Variants in TENM2 observed in about 807,000 individuals in gnomAD.
TENM2 encodes teneurin-2.
In TENM2, 52 loss-of-function variants were observed where a neutral mutation model predicts 245.2. The ratio of observed to expected loss-of-function variants is 0.21; its 90% CI spans 0.17 to 0.27. The LOEUF (loss-of-function observed/expected upper bound fraction) is 0.27, where lower values mean the gene tolerates loss of function less well. TENM2 is among the 10% of genes least tolerant of loss of function. The probability of loss-of-function intolerance (pLI) is 1.00; values close to 1 mark genes in which losing one functional copy is unlikely to be tolerated. For synonymous variants in TENM2, 1,363 were observed against 1,438.9 expected, an observed-to-expected ratio of 0.95 and a Z score of 1.19; for missense variants, 3,046 against 3,666.8, an observed-to-expected ratio of 0.83 and a Z score of 4.37.
chr5:168,185,003 A>G (rs1314885889), intron 13 of TENM2: 1 of 152,212 alleles, frequency 6.6e-6, no homozygotes, highest in East Asian at 1.9e-4. Context: ...TGCCAGGAAT[A>G]AATTCCCAGG....
chr5:168,055,549 T>C (rs1420884498), intron 6 of TENM2, among the ~76,000 whole-genome samples: 2 of 152,158 alleles, frequency 1.3e-5, no homozygotes, highest in Non-Finnish European at 2.9e-5. Context: ...TCACTCACTG[T>C]ATATTGATTT....
chr5:167,701,153 G>A (rs1344437956), intron 2 of TENM2, among the ~76,000 whole-genome samples: 1 of 152,132 alleles, frequency 6.6e-6, no homozygotes, highest in Non-Finnish European at 1.5e-5. Context: ...CACAAGAAAT[G>A]TGTGAGGTCT....
chr5:167,415,780 A>G (rs1254445262), intron 2 of TENM2, among the ~76,000 whole-genome samples: 2 of 152,254 alleles, frequency 1.3e-5, no homozygotes, highest in South Asian at 4.1e-4. Context: ...TCTGGAGGTT[A>G]TGTTGAATGG....
intron 5 of TENM2, among the ~76,000 whole-genome samples, chr5:168,002,160 G>A (rs974845589): frequency 3.3e-5 from 5 of 152,162 alleles, no homozygotes; most frequent in Non-Finnish European, 5.9e-5. Flanking sequence ...GAGAAGCTTT[G>A]CCTCCAACCT....
At chr5:167,883,146 A>T (rs1279751522) in intron 3 of TENM2, among the ~76,000 whole-genome samples, 2 of 152,170 alleles carry the variant, frequency 1.3e-5, no homozygotes. Context: ...GAAAATGTTG[A>T]TGGCAATCCC....
chr5:167,051,899 T>C, the TENM2 span, among the ~76,000 whole-genome samples: 1 of 152,332 alleles, frequency 6.6e-6, no homozygotes, highest in East Asian at 1.9e-4. Context: ...CATATTTGTT[T>C]TTATTTTTCC....
the TENM2 span, among the ~76,000 whole-genome samples, chr5:167,205,748 C>G: frequency 2.0e-5 from 3 of 152,146 alleles, no homozygotes; most frequent in Non-Finnish European, 2.9e-5. Context: ...TCTTTTGAGT[C>G]TCCCAAGACT....
chr5:168,014,028 G>A (rs1482538566), intron 5 of TENM2, among the ~76,000 whole-genome samples: 1 of 152,128 alleles, frequency 6.6e-6, no homozygotes, highest in East Asian at 1.9e-4. Context: ...TTGGATTAGA[G>A]CTCACCCTAT....
chr5:167,767,367 G>T (rs1463626707), intron 2 of TENM2, among the ~76,000 whole-genome samples: 3 of 152,164 alleles, frequency 2.0e-5, no homozygotes, highest in African/African-American at 7.2e-5. Flanking sequence ...TGACATAGAA[G>T]ATACAATGGT....
intron 2 of TENM2, among the ~76,000 whole-genome samples, chr5:167,858,625 G>C (rs984498907): frequency 1.3e-5 from 2 of 151,746 alleles, no homozygotes. Flanking sequence ...TGGTTGGCGC[G>C]GCTGCGCTGC....
chr5:167,795,343 TG>T (rs920211347), intron 2 of TENM2, among the ~76,000 whole-genome samples: 3 of 152,154 alleles, frequency 2.0e-5, no homozygotes, highest in African/African-American at 7.2e-5. Context: ...GAAAGTGTTT[TG>T]GGGAAAGATA....
the TENM2 span, among the ~76,000 whole-genome samples, chr5:167,143,126 T>C: frequency 2.0e-5 from 3 of 152,302 alleles, no homozygotes; most frequent in Middle Eastern, 6.8e-3. Flanking sequence ...TAGCCTCAAA[T>C]TGTGAATTAG....
the TENM2 span, among the ~76,000 whole-genome samples, chr5:167,102,948 C>T: frequency 1.3e-5 from 2 of 152,200 alleles, no homozygotes; most frequent in Non-Finnish European, 1.5e-5. Flanking sequence ...GCATGAGCCA[C>T]CATGCCTGGC....
At chr5:167,110,961 C>G in the TENM2 span, among the ~76,000 whole-genome samples, 1 of 152,110 alleles carries the variant, frequency 6.6e-6, no homozygotes, top group Non-Finnish European at 1.5e-5. Context: ...TTGTTTTGCT[C>G]TAGCATGGAT....
At chr5:167,554,321 C>T (rs1773129446) in intron 2 of TENM2, among the ~76,000 whole-genome samples, 1 of 152,162 alleles carries the variant, frequency 6.6e-6, no homozygotes, top group South Asian at 2.1e-4. Flanking sequence ...CAGCCAGACT[C>T]CTTGGAAAGA....
intron 12 of TENM2, among the ~76,000 whole-genome samples, chr5:168,154,150 A>AAAAAAAAAAAAAAAAAAAC (rs1756915003): frequency 2.1e-5 from 2 of 97,284 alleles, no homozygotes; most frequent in Admixed American, 1.9e-4. Flanking sequence ...CCTACTTTAA[A>AAAAAAAAAAAAAAAAAAAC]AAAAAAAAAA....
chr5:167,342,484 G>C (rs1475671639), intron 1 of TENM2, among the ~76,000 whole-genome samples: 1 of 141,002 alleles, frequency 7.1e-6, no homozygotes, highest in Non-Finnish European at 1.5e-5. Context: ...CGGGTTTTCA[G>C]GTTTCTCAAC....
chr5:167,656,920 T>A (rs1272298329), intron 2 of TENM2, among the ~76,000 whole-genome samples: 1 of 150,706 alleles, frequency 6.6e-6, no homozygotes, highest in Non-Finnish European at 1.5e-5. Context: ...GCAATTCACG[T>A]ATCTATCTTC....
chr5:167,958,388 G>C (rs1277740201), intron 4 of TENM2, among the ~76,000 whole-genome samples: 4 of 152,112 alleles, frequency 2.6e-5, no homozygotes, highest in East Asian at 1.9e-4. Flanking sequence ...ATGTGAGATA[G>C]GTCTCCTGAA....
Sources: allele counts gnomAD v4.1 joint callset (sites outside exome capture counted in the v4.1 genomes callset), GRCh38; gene constraint gnomAD v4.1.1; transcripts MANE v1.5; gene names NCBI Gene and HGNC (gene_info 2026-07-23, HGNC 2026-07-21).